Variants in ENAH observed in about 807,000 individuals in gnomAD.
ENAH encodes ENAH actin regulator, also known as protein enabled homolog.
ENAH carries 23 observed loss-of-function variants against 78.7 expected under a neutral mutation model. The observed-to-expected ratio is 0.29, with a 90% CI of 0.21 to 0.41. The LOEUF (loss-of-function observed/expected upper bound fraction) is 0.41, where lower values mean the gene tolerates loss of function less well. ENAH is among the 10% of genes least tolerant of loss of function. The pLI is 1.00. For missense variants in ENAH, 544 were observed against 691.0 expected (o/e 0.79, Z 2.39); for synonymous variants, 226 against 241.0 (o/e 0.94, Z 0.58).
chr1:225,551,452 A>G (rs2096640178), intron 3 of ENAH, among the ~76,000 whole-genome samples: 2 of 152,182 alleles, frequency 1.3e-5, no homozygotes, highest in Non-Finnish European at 2.9e-5. Context: ...ACACGGAAGA[A>G]GAGGAAAGGA....
intron 1 of ENAH, among the ~76,000 whole-genome samples, chr1:225,594,173 C>T (rs552370098): frequency 6.6e-6 from 1 of 152,266 alleles, no homozygotes; most frequent in East Asian, 1.9e-4. Flanking sequence ...TAAGGACAAA[C>T]TGTTCTTAAA....
intron 1 of ENAH, among the ~76,000 whole-genome samples, chr1:225,601,554 C>T (rs2096931336): frequency 6.6e-6 from 1 of 150,832 alleles, no homozygotes; most frequent in Admixed American, 6.6e-5. Context: ...GTTCCAATTA[C>T]AAAATACTTA....
At chr1:225,560,539 G>A (rs1262856821) in intron 2 of ENAH, among the ~76,000 whole-genome samples, 2 of 152,114 alleles carry the variant, frequency 1.3e-5, no homozygotes, top group Admixed American at 6.5e-5. Context: ...GGAGTGCAGT[G>A]GCTATTCACA....
intron 1 of ENAH, among the ~76,000 whole-genome samples, chr1:225,638,309 C>A (rs1156675771): frequency 1.3e-5 from 2 of 152,052 alleles, no homozygotes; most frequent in Non-Finnish European, 2.9e-5. Flanking sequence ...CAGGTGTGCA[C>A]CACCACACCC....
At chr1:225,540,943 C>G (rs1460750698) in intron 3 of ENAH, among the ~76,000 whole-genome samples, 1 of 152,074 alleles carries the variant, frequency 6.6e-6, no homozygotes, top group Non-Finnish European at 1.5e-5. Context: ...GCCCTGAAAA[C>G]AGTACACTAA....
At chr1:225,610,093 T>G (rs148885935) in intron 1 of ENAH, among the ~76,000 whole-genome samples, 3 of 152,050 alleles carry the variant, frequency 2.0e-5, no homozygotes, top group African/African-American at 4.8e-5. Flanking sequence ...TAGAATAATA[T>G]TTAATTACAG....
chr1:225,514,764 G>C lies in ENAH; in HGVS notation c.1050C>G (p.Pro350=), dbSNP rs750817984. ...PPLPSTGPPP[P]PPPPPLPNQV... is the part of the protein sequence containing the mutation. Reference sequence around the variant, plus strand: ...GATTAGGGAGAGGAGGGGGAGGAGGGGGCGGTGGAGGCCCGGTGGATGGGA... The same window carrying C: ...GATTAGGGAGAGGAGGGGGAGGAGGCGGCGGTGGAGGCCCGGTGGATGGGA... The change falls in exon 7 of 14, where the codon CCC becomes CCG. Residue 350 remains proline, a synonymous_variant. Coordinates refer to ENST00000366843, the MANE Select transcript of ENAH (RefSeq NM_018212.6). 6.9e-7 allele frequency: 1 copy of C among 1,442,800 alleles called. No homozygotes were observed. The highest frequency in any genetic ancestry group is 9.4e-7 in the Non-Finnish European group (1 of 1,068,660). The allele number at this position is 1,442,800 out of a possible 1,614,324, so 89.4% of individuals were successfully genotyped here.
intron 1 of ENAH, among the ~76,000 whole-genome samples, chr1:225,629,332 T>C (rs1222189805): frequency 6.6e-6 from 1 of 150,644 alleles, no homozygotes; most frequent in East Asian, 2.0e-4. Context: ...ACGCCTATAA[T>C]CCCAGCACTT....
intron 12 of ENAH, among the ~76,000 whole-genome samples, chr1:225,499,103 CGTTA>C (rs2096266879): frequency 6.6e-6 from 1 of 152,004 alleles, no homozygotes; most frequent in Non-Finnish European, 1.5e-5. Flanking sequence ...TAAAATAACT[CGTTA>C]GTAATTTATA....
intron 1 of ENAH, among the ~76,000 whole-genome samples, chr1:225,626,717 G>A (rs939532274): frequency 6.6e-5 from 10 of 152,202 alleles, no homozygotes; most frequent in African/African-American, 9.6e-5. Flanking sequence ...ACCACTTTTG[G>A]AAAACCAAGT....
rs1489841117 is a variant in ENAH at position 225,517,674 on chromosome 1, C to G, written c.803-368G>C. The G allele has an allele frequency of 4.5e-6, 7 of 1,550,832 alleles. No homozygotes were observed. The East Asian group carries it at 1.7e-4, about 38-fold the overall frequency. ...AGGCACAGGGCTTCGTAGCTGGAGG[C>G]TGAGAAGAGGGTGTGTTCACAGGAG... On this transcript the variant is annotated intron_variant, in intron 5 of 13. Transcript: ENST00000366843.
At chr1:225,622,306 T>C (rs1434732790) in intron 1 of ENAH, among the ~76,000 whole-genome samples, 1 of 152,140 alleles carries the variant, frequency 6.6e-6, no homozygotes, top group Non-Finnish European at 1.5e-5. Context: ...ATAAAGGTGT[T>C]GGCCAGGCAC....
intron 1 of ENAH, among the ~76,000 whole-genome samples, chr1:225,648,375 T>C (rs1662358379): frequency 1.3e-5 from 2 of 152,220 alleles, no homozygotes; most frequent in African/African-American, 4.8e-5. Context: ...AAGCCTTCTG[T>C]AAGATAAATC....
chr1:225,529,603 T>C (rs950213895), intron 4 of ENAH, among the ~76,000 whole-genome samples: 8 of 152,074 alleles, frequency 5.3e-5, no homozygotes, highest in African/African-American at 1.9e-4. Flanking sequence ...GGCTTTTTGT[T>C]CCCTCCACTC....
intron 1 of ENAH, among the ~76,000 whole-genome samples, chr1:225,641,600 T>C (rs914234497): frequency 6.6e-6 from 1 of 151,716 alleles, no homozygotes; most frequent in African/African-American, 2.4e-5. Flanking sequence ...TTACCGAAGA[T>C]ACAAGGCTGA....
chr1:225,542,396 A>G (rs1178972179), intron 3 of ENAH, among the ~76,000 whole-genome samples: 2 of 152,214 alleles, frequency 1.3e-5, no homozygotes, highest in Non-Finnish European at 2.9e-5. Flanking sequence ...TTTTTAGGTC[A>G]TGACTCTCTC....
chr1:225,544,909 C>G (rs1030481939), intron 3 of ENAH, among the ~76,000 whole-genome samples: 1 of 152,020 alleles, frequency 6.6e-6, no homozygotes, highest in African/African-American at 2.4e-5. Flanking sequence ...CAGCTAGTAA[C>G]AACAGTTACT....
chr1:225,636,193 T>C (rs1660030213), intron 1 of ENAH, among the ~76,000 whole-genome samples: 1 of 152,230 alleles, frequency 6.6e-6, no homozygotes, highest in Non-Finnish European at 1.5e-5. Context: ...CTCAGAAGTG[T>C]ACCCAAGATC....
intron 12 of ENAH, 142 bp from the exon 13 acceptor site, chr1:225,498,546 A>C (rs760478172): frequency 5.1e-5 from 30 of 587,764 alleles, no homozygotes; most frequent in Non-Finnish European, 8.0e-5. Context: ...TTCTTGGAAG[A>C]CTAGCCTTGG....
Sources: allele counts gnomAD v4.1 joint callset (sites outside exome capture counted in the v4.1 genomes callset), GRCh38; gene constraint gnomAD v4.1.1; transcripts MANE v1.5; gene names NCBI Gene and HGNC (gene_info 2026-07-23, HGNC 2026-07-21).